The following CFAP47 variants were observed in gnomAD, a reference collection of about 807,000 sequenced individuals.
CFAP47 encodes cilia- and flagella-associated protein 47.
CFAP47 carries 29 observed loss-of-function variants against 148.1 expected under a neutral mutation model. The ratio of observed to expected loss-of-function variants is 0.20; its 90% CI spans 0.15 to 0.27. CFAP47 has a LOEUF of 0.27. Among genes scored for constraint, CFAP47 ranks in the 10% least tolerant of loss-of-function variants. CFAP47 has a pLI of 1.00. For missense variants in CFAP47, 1,872 were observed against 1,697.5 expected, an observed-to-expected ratio of 1.10 and a Z score of -1.81; for synonymous variants, 664 against 577.3, an observed-to-expected ratio of 1.15 and a Z score of -2.15.
chrX:36,114,772 C>G (rs978176073), intron 33 of CFAP47, among the ~76,000 whole-genome samples: 3 of 111,473 alleles, frequency 2.7e-5, no homozygotes, highest in African/African-American at 9.8e-5. Flanking sequence ...TCACTACACT[C>G]TGGTGAGTAG....
intron 26 of CFAP47, among the ~76,000 whole-genome samples, chrX:36,052,104 T>C (rs1194110753): frequency 3.6e-5 from 4 of 111,812 alleles, no homozygotes; most frequent in Non-Finnish European, 7.5e-5. Flanking sequence ...CAGCCTTGGG[T>C]ATTTCTTCAT....
At chrX:36,165,555 A>G (rs1569277514) in intron 39 of CFAP47, among the ~76,000 whole-genome samples, 1 of 111,292 alleles carries the variant, frequency 9.0e-6, no homozygotes. Flanking sequence ...TATTACATCA[A>G]TATTACATAC....
chrX:36,141,666 A>G (rs1161136051), intron 35 of CFAP47, among the ~76,000 whole-genome samples: 2 of 112,350 alleles, frequency 1.8e-5, no homozygotes, highest in Non-Finnish European at 3.8e-5. Flanking sequence ...CTTGAGTAAA[A>G]GTGGTTTAAA....
chrX:36,353,498 CA>C, intron 59 of CFAP47, 30 bp from the exon 60 acceptor site: 2 of 1,138,777 alleles, frequency 1.8e-6, no homozygotes, highest in South Asian at 3.9e-5. Flanking sequence ...ACCTACAAGT[CA>C]AGTTAACTGG....
rs751735634 is a variant in CFAP47, at chrX:35,928,526, C to T, written c.401+2358C>T. ...CATTGCTCTTTATTATTGAGTTTTG[C>T]AATTTCTTTGTATATTCTGGATACA... On this transcript the variant is annotated intron_variant, in intron 2 of 63. Coordinates refer to ENST00000378653, the MANE Select transcript of CFAP47 (RefSeq NM_001304548.2). 4.5e-5 allele frequency among the ~76,000 whole-genome samples: 5 copies of T among 111,265 alleles called. No homozygotes were observed. In the South Asian group the frequency reaches 1.9e-3, roughly 42 times the overall value.
At chrX:36,096,732 A>T (rs1172275437) in intron 30 of CFAP47, among the ~76,000 whole-genome samples, 3 of 109,709 alleles carry the variant, frequency 2.7e-5, no homozygotes, top group African/African-American at 9.9e-5. Context: ...GTCTATGTGC[A>T]TCTTTATAGG....
At chrX:36,019,148 C>T (rs191649821) in intron 22 of CFAP47, among the ~76,000 whole-genome samples, 27 of 111,762 alleles carry the variant, frequency 2.4e-4, no homozygotes, top group African/African-American at 8.5e-4. Context: ...ATGAAGTACA[C>T]CGACACACAG....
intron 48 of CFAP47, among the ~76,000 whole-genome samples, 182 bp downstream of exon 48, chrX:36,237,041 T>G (rs1291828641): frequency 8.9e-6 from 1 of 112,234 alleles, no homozygotes; most frequent in Non-Finnish European, 1.9e-5. Flanking sequence ...TCATTTCAAT[T>G]ATAAAGTTGA....
At chrX:36,165,976 T>G (rs1939484409) in intron 39 of CFAP47, among the ~76,000 whole-genome samples, 1 of 111,361 alleles carries the variant, frequency 9.0e-6, no homozygotes. Context: ...GATACCGGGG[T>G]TAGGGCTTCA....
At chrX:35,996,476 G>A (rs959401886) in intron 18 of CFAP47, among the ~76,000 whole-genome samples, 15 of 110,512 alleles carry the variant, frequency 1.4e-4, no homozygotes, top group Non-Finnish European at 1.1e-4. Context: ...AAATACACTC[G>A]CTTTACTTTC....
chrX:36,303,817 C>A (rs1556008260), intron 53 of CFAP47, 32 bp from the exon 54 acceptor site: 2 of 839,278 alleles, frequency 2.4e-6, no homozygotes, highest in Non-Finnish European at 3.3e-6. Flanking sequence ...TTATGAATAC[C>A]AGCAACTTTA....
intron 24 of CFAP47, 100 bp from the exon 25 acceptor site, chrX:36,038,884 A>G (rs751977006): frequency 4.8e-5 from 19 of 399,637 alleles, no homozygotes; most frequent in Middle Eastern, 7.2e-4. Context: ...TTAAGTTGTA[A>G]CATCATCGTA....
At chrX:36,379,012 A>C (rs1487813690) in intron 62 of CFAP47, among the ~76,000 whole-genome samples, 50 of 100,183 alleles carry the variant, frequency 5.0e-4, no homozygotes, top group Middle Eastern at 0.014. Flanking sequence ...GGGTTTCACC[A>C]TGTTGGCCAG....
At chrX:36,204,331 C>G (rs1423488421) in intron 44 of CFAP47, among the ~76,000 whole-genome samples, 1 of 109,809 alleles carries the variant, frequency 9.1e-6, no homozygotes, top group Non-Finnish European at 1.9e-5. Context: ...ATCGCAAGAA[C>G]AAAAACCAAA....
chrX:36,378,108 G>A (rs1942041453), intron 62 of CFAP47, among the ~76,000 whole-genome samples: 1 of 111,767 alleles, frequency 8.9e-6, no homozygotes, highest in Non-Finnish European at 1.9e-5. Flanking sequence ...GGCCTTTTAT[G>A]AGTATCACTC....
At chrX:36,309,838 G>A (rs1235838763) in intron 55 of CFAP47, among the ~76,000 whole-genome samples, 3 of 111,109 alleles carry the variant, frequency 2.7e-5, no homozygotes, top group Non-Finnish European at 5.7e-5. Flanking sequence ...AAGTTAGGAC[G>A]TTATTATTGA....
chrX:36,046,509 G>A (rs992670948), intron 25 of CFAP47, among the ~76,000 whole-genome samples: 13 of 110,940 alleles, frequency 1.2e-4, no homozygotes, highest in Non-Finnish European at 2.1e-4. Context: ...ACCTATTAAA[G>A]TGATAACTTT....
chrX:36,073,731 A>C (rs1317901244), intron 29 of CFAP47, among the ~76,000 whole-genome samples: 1 of 111,244 alleles, frequency 9.0e-6, no homozygotes, highest in Non-Finnish European at 1.9e-5. Flanking sequence ...AATGGTATTA[A>C]TGAACAAGGA....
In CFAP47 at chrX:35,991,840, T is replaced by G. The variant is rs780072607; in HGVS notation, c.2864T>G (p.Leu955Ter). Residue 955 changes from leucine (L) to a stop codon, truncating the protein, a stop_gained, in exon 17 of 64, where the codon TTA becomes TGA. Coordinates refer to ENST00000378653, the MANE Select transcript of CFAP47 (RefSeq NM_001304548.2). LOFTEE classifies it high-confidence loss of function. ...TATTAGCTTGGTCGCACCAAGGTTTTACTTTTGCAGCCAAGGATACTCTTT... is the reference window on the plus strand; with the variant it reads ...TATTAGCTTGGTCGCACCAAGGTTTGACTTTTGCAGCCAAGGATACTCTTT... ...CVAHLGRTKV[L>*]LLQPRILFSN... 1 of 294,698 alleles carries G rather than the reference T, an allele frequency of 3.4e-6. No individual in the cohort carries two copies. The highest frequency in any genetic ancestry group is 5.9e-6 in the Non-Finnish European group (1 of 169,101). The allele number at this position is 294,698 out of a possible 1,213,427, so 24.3% of individuals were successfully genotyped here. A position where few individuals can be genotyped will look rare whatever the true frequency, so the allele number is the denominator to read the frequency against.
Sources: allele counts gnomAD v4.1 joint callset (sites outside exome capture counted in the v4.1 genomes callset), GRCh38; gene constraint gnomAD v4.1.1; transcripts MANE v1.5; gene names NCBI Gene and HGNC (gene_info 2026-07-23, HGNC 2026-07-21).